The following SLC25A13 variants were observed in gnomAD, a reference collection of about 807,000 sequenced individuals.
SLC25A13 encodes solute carrier family 25 member 13.
SLC25A13 carries 70 observed loss-of-function variants against 85.5 expected under a neutral mutation model. The observed-to-expected ratio is 0.82, with a 90% confidence interval of 0.68 to 1.00. SLC25A13 has a LOEUF of 1.00. Ranked by LOEUF, SLC25A13 falls within the 50% of genes least tolerant of loss-of-function variation. The probability of loss-of-function intolerance (pLI) is 0.00; values close to 1 mark genes in which losing one functional copy is unlikely to be tolerated. For missense variants in SLC25A13, 765 were observed against 819.8 expected (o/e 0.93, Z 0.82); for synonymous variants, 259 against 288.7 (o/e 0.90, Z 1.04).
chr7:96,294,140 T>C (rs1336850953), intron 2 of SLC25A13, among the ~76,000 whole-genome samples: 2 of 152,144 alleles, frequency 1.3e-5, no homozygotes, highest in Non-Finnish European at 2.9e-5. Flanking sequence ...GGGACATGGA[T>C]GAAGCTGGAA....
chr7:96,132,403 G>A (rs1293839726), intron 14 of SLC25A13, among the ~76,000 whole-genome samples: 1 of 152,112 alleles, frequency 6.6e-6, no homozygotes, highest in Non-Finnish European at 1.5e-5. Context: ...GGGGGTTCAT[G>A]GATCCTTCTA....
In SLC25A13 at chr7:96,121,908, C is replaced by T. The variant is rs142801864; in HGVS notation, c.1681G>A (p.Gly561Arg). 5.0e-5 allele frequency: 81 copies of T among 1,614,034 alleles called. No individual in the cohort carries two copies. The African/African-American group carries it at 6.3e-4, about 13-fold the overall frequency. ...ATCTTTCTAAAGCAGTCTATCACTC[C>T]GCTGTAAGTGGTTTGGCCAGCCCGG... ...AARAGQTTYSGVIDCFRKILR... is the reference protein window; with the variant it reads ...AARAGQTTYSRVIDCFRKILR... The change falls in exon 16 of 18, where the codon GGA becomes AGA. Residue 561 changes from glycine (G) to arginine (R), a missense_variant. By Grantham distance (125) the Gly-to-Arg change is moderately radical. Coordinates refer to ENST00000265631, the MANE Select transcript of SLC25A13 (RefSeq NM_014251.3).
At chr7:96,191,274 AG>A in intron 6 of SLC25A13, 27 bp from the exon 7 acceptor site, 1 of 1,612,088 alleles carries the variant, frequency 6.2e-7, no homozygotes, top group Non-Finnish European at 8.5e-7. Context: ...ACAAGAGAGA[AG>A]AAAAATATAC....
chr7:96,160,774 G>T (rs1169259102), intron 13 of SLC25A13, among the ~76,000 whole-genome samples: 1 of 152,204 alleles, frequency 6.6e-6, no homozygotes, highest in African/African-American at 2.4e-5. Context: ...AGTACCATCA[G>T]ATATTTCTTT....
At chr7:96,139,945 C>A (rs1792450883) in intron 14 of SLC25A13, among the ~76,000 whole-genome samples, 1 of 86,364 alleles carries the variant, frequency 1.2e-5, no homozygotes, top group Non-Finnish European at 2.2e-5. Context: ...GATTTCCATT[C>A]TTTTTTTTTT....
intron 14 of SLC25A13, among the ~76,000 whole-genome samples, chr7:96,138,107 C>A (rs1033926500): frequency 1.3e-5 from 2 of 152,156 alleles, no homozygotes; most frequent in Non-Finnish European, 2.9e-5. Context: ...AATATCTTTA[C>A]CCTTGTTCTT....
intron 6 of SLC25A13, among the ~76,000 whole-genome samples, chr7:96,191,622 T>A (rs1247965433): frequency 6.6e-6 from 1 of 152,204 alleles, no homozygotes; most frequent in African/African-American, 2.4e-5. Flanking sequence ...TAAGTACATA[T>A]GCACACATGT....
At chr7:96,181,071 C>G (rs907898521) in intron 11 of SLC25A13, among the ~76,000 whole-genome samples, 2 of 152,064 alleles carry the variant, frequency 1.3e-5, no homozygotes, top group African/African-American at 4.8e-5. Context: ...ATAACAACAA[C>G]AACAACAACA....
At chr7:96,274,912 C>T (rs1225658483) in intron 3 of SLC25A13, among the ~76,000 whole-genome samples, 1 of 152,060 alleles carries the variant, frequency 6.6e-6, no homozygotes, top group Non-Finnish European at 1.5e-5. Flanking sequence ...GTTACTGTAG[C>T]CTTGTAGTAT....
intron 14 of SLC25A13, among the ~76,000 whole-genome samples, chr7:96,141,272 C>T (rs967617775): frequency 1.3e-5 from 2 of 151,994 alleles, no homozygotes; most frequent in African/African-American, 4.8e-5. Flanking sequence ...AAGAGATTGC[C>T]CTGGCCTCCT....
chr7:96,144,843 G>A (rs940528674), intron 14 of SLC25A13, among the ~76,000 whole-genome samples: 1 of 152,142 alleles, frequency 6.6e-6, no homozygotes, highest in Non-Finnish European at 1.5e-5. Flanking sequence ...CAGCAAACAA[G>A]TTCCTACCAT....
At chr7:96,277,134 AG>A in intron 3 of SLC25A13, 61 bp downstream of exon 3, 1 of 1,494,040 alleles carries the variant, frequency 6.7e-7, no homozygotes, top group South Asian at 1.3e-5. Context: ...CCTGGTCATT[AG>A]AGCAAAAGAA....
intron 5 of SLC25A13, among the ~76,000 whole-genome samples, chr7:96,201,930 C>T (rs2116692660): frequency 6.6e-6 from 1 of 152,256 alleles, no homozygotes; most frequent in Non-Finnish European, 1.5e-5. Context: ...TGACCAGCAG[C>T]AGTGAATCTC....
At chr7:96,254,858 G>A (rs1797568132) in intron 3 of SLC25A13, among the ~76,000 whole-genome samples, 1 of 152,082 alleles carries the variant, frequency 6.6e-6, no homozygotes, top group Non-Finnish European at 1.5e-5. Context: ...GAAGAGTCAG[G>A]GTGAAAAGGA....
At chr7:96,131,031 G>A (rs761593312) in intron 15 of SLC25A13, among the ~76,000 whole-genome samples, 1 of 152,136 alleles carries the variant, frequency 6.6e-6, no homozygotes, top group Non-Finnish European at 1.5e-5. Flanking sequence ...AAAAATGTTT[G>A]GATCCAGGCA....
chr7:96,239,929 G>A (rs763675601), intron 3 of SLC25A13, among the ~76,000 whole-genome samples: 14 of 152,136 alleles, frequency 9.2e-5, no homozygotes, highest in Non-Finnish European at 8.8e-5. Context: ...AAAATACTGG[G>A]CCAAAGAAGA....
chr7:96,146,584 C>T lies in SLC25A13; in HGVS notation c.1424G>A (p.Arg475Gln), dbSNP rs764488086. 25 of 1,613,868 alleles carry T rather than the reference C, an allele frequency of 1.5e-5. No individual in the cohort carries two copies. The highest frequency in any genetic ancestry group is 4.5e-5 in the East Asian group (2 of 44,868). The change falls in exon 14 of 18, where the codon CGG becomes CAG. Residue 475 changes from arginine to glutamine, a missense_variant. By Grantham distance (43) the Arg-to-Gln change is conservative. Transcript: ENST00000265631. ...GTAGATCCCAAAAAACCCCAGGTCC[C>T]GCACGACAGACAGAGCACTGACTCG... is the stretch of plus-strand genomic sequence containing the variant. ...GPRVSALSVV[R>Q]DLGFFGIYKG...
At chr7:96,196,752 T>A (rs1795079187) in intron 5 of SLC25A13, among the ~76,000 whole-genome samples, 1 of 151,754 alleles carries the variant, frequency 6.6e-6, no homozygotes, top group African/African-American at 2.4e-5. Context: ...CAGGACAGAG[T>A]GAAAACACGC....
intron 10 of SLC25A13, chr7:96,184,657 G>A: frequency 1.6e-6 from 1 of 639,150 alleles, no homozygotes; most frequent in Admixed American, 2.9e-5. Context: ...TTAAATTAAG[G>A]CACATTGCTA....
Sources: gnomAD v4.1 joint callset for allele counts (sites outside exome capture counted in the v4.1 genomes callset) on GRCh38, gnomAD v4.1.1 for gene constraint, MANE v1.5 for transcripts, NCBI Gene and HGNC (gene_info 2026-07-23, HGNC 2026-07-21) for gene names.